The following ASIC2 variants were observed in gnomAD, a reference collection of about 807,000 sequenced individuals.
The protein encoded by ASIC2 is acid-sensing ion channel 2.
A neutral mutation model predicts 57.3 loss-of-function variants in ASIC2; 25 were observed. That is an observed-to-expected ratio of 0.44 (90% CI 0.32 to 0.61). ASIC2 has a LOEUF of 0.61. ASIC2 is among the 20% of genes least tolerant of loss of function. ASIC2 has a pLI of 0.06. For missense variants in ASIC2, 641 were observed against 738.1 expected (o/e 0.87, Z 1.52); for synonymous variants, 319 against 307.5 (o/e 1.04, Z -0.39).
At chr17:33,376,362 C>CTT (rs5820038) in intron 1 of ASIC2, among the ~76,000 whole-genome samples, 89 of 151,270 alleles carry the variant, frequency 5.9e-4, no homozygotes, top group African/African-American at 1.7e-3. Context: ...TTGTCCATTT[C>CTT]TTTTTTTTTA....
intron 1 of ASIC2, among the ~76,000 whole-genome samples, chr17:33,412,269 G>C (rs1910690439): frequency 6.6e-6 from 1 of 152,176 alleles, no homozygotes; most frequent in South Asian, 2.1e-4. Flanking sequence ...TATCATCTTT[G>C]TACCAACCCA....
chr17:33,385,395 G>A (rs1909639010), intron 1 of ASIC2, among the ~76,000 whole-genome samples: 1 of 152,070 alleles, frequency 6.6e-6, no homozygotes, highest in South Asian at 2.1e-4. Flanking sequence ...CACTGTTCCT[G>A]CATCCCACCG....
intron 1 of ASIC2, among the ~76,000 whole-genome samples, chr17:34,120,905 A>T (rs1911598994): frequency 6.6e-6 from 1 of 150,960 alleles, no homozygotes; most frequent in Non-Finnish European, 1.5e-5. Context: ...CGCCTGGCTA[A>T]TTTTTTGTAT....
intron 1 of ASIC2, among the ~76,000 whole-genome samples, chr17:33,335,928 A>T (rs1050575253): frequency 6.6e-6 from 1 of 152,174 alleles, no homozygotes; most frequent in Non-Finnish European, 1.5e-5. Flanking sequence ...GAAGGGATTA[A>T]GCAGCAGAAT....
intron 1 of ASIC2, among the ~76,000 whole-genome samples, chr17:33,988,772 G>A (rs1033135659): frequency 1.3e-5 from 2 of 151,974 alleles, no homozygotes; most frequent in East Asian, 1.9e-4. Flanking sequence ...ATTGCTCCCA[G>A]AGAGCTATCA....
At chr17:34,088,333 G>A (rs1259070258) in intron 1 of ASIC2, among the ~76,000 whole-genome samples, 2 of 152,218 alleles carry the variant, frequency 1.3e-5, no homozygotes, top group Admixed American at 6.5e-5. Context: ...CTGGGTATCA[G>A]CAGCGGTGTT....
chr17:33,890,274 C>T (rs1914930352), intron 1 of ASIC2, among the ~76,000 whole-genome samples: 1 of 152,180 alleles, frequency 6.6e-6, no homozygotes, highest in Non-Finnish European at 1.5e-5. Context: ...TTTGGTCTGT[C>T]ATGCATTATA....
intron 7 of ASIC2, 50 bp downstream of exon 7, chr17:33,021,162 TCCCTCCC>T: frequency 5.8e-6 from 4 of 694,006 alleles, no homozygotes; most frequent in Non-Finnish European, 1.1e-5. Context: ...CTGTGCATCC[TCCCTCCC>T]TCCCACCCTC....
chr17:33,880,416 A>G (rs920852481), intron 1 of ASIC2, among the ~76,000 whole-genome samples: 2 of 152,334 alleles, frequency 1.3e-5, no homozygotes, highest in Middle Eastern at 3.4e-3. Flanking sequence ...AAAAAATAAT[A>G]AAGGGGATAT....
chr17:33,738,945 C>G (rs1318301216), intron 1 of ASIC2, among the ~76,000 whole-genome samples: 1 of 152,158 alleles, frequency 6.6e-6, no homozygotes, highest in African/African-American at 2.4e-5. Context: ...ACTAAAGTTT[C>G]CAAGGAAGAA....
chr17:33,839,978 G>T (rs968188595), intron 1 of ASIC2, among the ~76,000 whole-genome samples: 9 of 152,208 alleles, frequency 5.9e-5, no homozygotes, highest in African/African-American at 2.2e-4. Flanking sequence ...TTAGGGATAG[G>T]TTGCTATTTC....
At chr17:33,856,311 A>C (rs1334690288) in intron 1 of ASIC2, among the ~76,000 whole-genome samples, 1 of 152,246 alleles carries the variant, frequency 6.6e-6, no homozygotes, top group Non-Finnish European at 1.5e-5. Context: ...CATTTAGAAC[A>C]GTGACTGACA....
At chr17:34,142,540 G>A (rs116651923) in intron 1 of ASIC2, among the ~76,000 whole-genome samples, 2,933 of 152,262 alleles carry the variant, frequency 0.019, 98 homozygotes, top group African/African-American at 0.066. Context: ...GGTCATCAAA[G>A]TTGTATACAA....
Position 33,134,357 on chromosome 17 carries a change from G to A in ASIC2, c.709-22290C>T, listed in dbSNP as rs529822366. ...TACCTGCCCTCCAAAAGCTTACAGA[G>A]CAGAGGGATGGCAACATTGATTGCC... On this transcript the variant is annotated intron_variant, in intron 1 of 9. Coordinates refer to ENST00000225823, the MANE Select transcript of ASIC2 (RefSeq NM_183377.2). Among the ~76,000 whole-genome samples the A allele has an allele frequency of 9.2e-5, 14 of 152,292 alleles. No individual in the cohort carries two copies. In the East Asian group the frequency reaches 2.7e-3, roughly 29 times the overall value.
At position 33,126,915 on chromosome 17, in the gene ASIC2, C is replaced by T. The variant is rs557708866; in HGVS notation, c.709-14848G>A. Among the ~76,000 whole-genome samples, 818 of 124,702 alleles carry T rather than the reference C, an allele frequency of 6.6e-3. 12 individuals carry two copies. The highest frequency in any genetic ancestry group is 0.02 in the African/African-American group (615 of 31,418). 81.8% of individuals were successfully genotyped at this position (124,702 alleles called of 152,430 possible). On this transcript the variant is annotated intron_variant, in intron 1 of 9. Transcript: ENST00000225823. Reference sequence around the variant, plus strand: ...TCGCTCTGTCGCCCAGGCGGGACTGCGGACTGCAGTGGCGCAATCTCGGCT... The same window carrying T: ...TCGCTCTGTCGCCCAGGCGGGACTGTGGACTGCAGTGGCGCAATCTCGGCT...
intron 1 of ASIC2, among the ~76,000 whole-genome samples, chr17:33,933,079 C>T (rs1004846669): frequency 6.6e-6 from 1 of 152,180 alleles, no homozygotes; most frequent in East Asian, 1.9e-4. Context: ...CTCCCACCCT[C>T]GTATGTCTCC....
chr17:33,047,993 C>T (rs2091961899), intron 3 of ASIC2, among the ~76,000 whole-genome samples: 1 of 152,162 alleles, frequency 6.6e-6, no homozygotes, highest in Non-Finnish European at 1.5e-5. Flanking sequence ...CCCAGTGTGA[C>T]AATTTTTGGA....
chr17:34,082,999 G>GTT (rs201083880), intron 1 of ASIC2, among the ~76,000 whole-genome samples: 7 of 148,022 alleles, frequency 4.7e-5, no homozygotes, highest in African/African-American at 1.8e-4. Flanking sequence ...ATTTGTTCTT[G>GTT]TTTTTTTTTC....
chr17:34,088,895 C>T (rs572953879), intron 1 of ASIC2, among the ~76,000 whole-genome samples: 83 of 152,304 alleles, frequency 5.4e-4, no homozygotes, highest in African/African-American at 7.7e-4. Flanking sequence ...CGGAAAAGCG[C>T]GGTATTTGGG....
Sources: allele counts gnomAD v4.1 joint callset (sites outside exome capture counted in the v4.1 genomes callset), GRCh38; gene constraint gnomAD v4.1.1; transcripts MANE v1.5; gene names NCBI Gene and HGNC (gene_info 2026-07-23, HGNC 2026-07-21).